SLA: variants seen among roughly 807,000 people sequenced by gnomAD.
SLA encodes the protein src-like-adapter.
In SLA, 16 loss-of-function variants were observed where a neutral mutation model predicts 30.3. The observed-to-expected ratio is 0.53, with a 90% CI of 0.36 to 0.80. The LOEUF is 0.80. Among genes scored for constraint, SLA ranks in the 30% least tolerant of loss-of-function variants. The pLI is 0.01. For synonymous variants in SLA, 143 were observed against 137.8 expected (o/e 1.04, Z -0.26); for missense variants, 310 against 345.2 (o/e 0.90, Z 0.81).
Position 133,038,700 on chromosome 8 carries a change from C to G in SLA, c.655G>C (p.Gly219Arg). The change falls in exon 9 of 9, where the codon GGG (glycine) becomes CGG (arginine). Residue 219 changes from glycine (G) to arginine (R), a missense_variant. Coordinates refer to ENST00000338087, the MANE Select transcript of SLA (RefSeq NM_001045556.3). ...EDPEGTENPL[G>R]VDESLFSYGL... ...TAGCTGAAAAGGGACTCGTCTACCC[C>G]AAGCGGGTTCTCTGTTCCCTCGGGG... 6.2e-7 allele frequency: 1 copy of G among 1,614,090 alleles called. No individual in the cohort carries two copies. The highest frequency in any genetic ancestry group is 8.5e-7 in the Non-Finnish European group (1 of 1,180,006).
chr8:133,053,071 G>C (rs1326992039), intron 3 of SLA, among the ~76,000 whole-genome samples: 1 of 152,158 alleles, frequency 6.6e-6, no homozygotes, highest in Non-Finnish European at 1.5e-5. Context: ...GGTTCTCAGA[G>C]CCTCCGGATA....
In SLA at chr8:133,079,336, G is replaced by T. The variant is rs872642; in HGVS notation, c.-318-4206C>A. Among the ~76,000 whole-genome samples the T allele has an allele frequency of 8.1e-3, 1,227 of 152,316 alleles. 18 individuals carry two copies. Among genetic ancestry groups the T allele is most frequent in the South Asian group, 0.044 (211 of 4,828 alleles). Reference sequence around the variant, plus strand: ...ATGACCATAGGCAAATAATAACAATGCCAGCCATGCAAGGATTGAGAGTCA... The same window carrying T: ...ATGACCATAGGCAAATAATAACAATTCCAGCCATGCAAGGATTGAGAGTCA... On this transcript the variant is annotated intron_variant, in intron 1 of 8. Coordinates refer to ENST00000338087, the MANE Select transcript of SLA (RefSeq NM_001045556.3).
intron 1 of SLA, chr8:133,095,280 A>G: frequency 6.2e-7 from 1 of 1,608,508 alleles, no homozygotes; most frequent in Non-Finnish European, 8.5e-7. Flanking sequence ...AGACCTAGGA[A>G]GGAGGTGTCA....
At chr8:133,044,230 G>A (rs560300753) in intron 7 of SLA, among the ~76,000 whole-genome samples, 126 of 152,190 alleles carry the variant, frequency 8.3e-4, no homozygotes, top group Middle Eastern at 6.8e-3. Flanking sequence ...GTAAAGTTCC[G>A]ATTCCTGAGC....
At chr8:133,062,321 G>A (rs1158806306) in intron 2 of SLA, among the ~76,000 whole-genome samples, 3 of 152,228 alleles carry the variant, frequency 2.0e-5, no homozygotes, top group Non-Finnish European at 4.4e-5. Context: ...TGCAGTCCAG[G>A]AGGGCAGGGA....
intron 3 of SLA, chr8:133,058,954 TG>T (rs1841952274): frequency 4.2e-6 from 2 of 479,732 alleles, no homozygotes; most frequent in South Asian, 1.5e-5. Flanking sequence ...CATGCTGGCT[TG>T]GGGGCATTGG....
At chr8:133,071,649 G>A (rs1398151251) in intron 2 of SLA, among the ~76,000 whole-genome samples, 2 of 152,054 alleles carry the variant, frequency 1.3e-5, no homozygotes, top group Non-Finnish European at 2.9e-5. Context: ...GGAGAGGGGA[G>A]GAGTGGGGGG....
At chr8:133,096,094 A>G in intron 1 of SLA, 2 of 1,341,500 alleles carry the variant, frequency 1.5e-6, no homozygotes, top group Non-Finnish European at 2.1e-6. Context: ...TTTTCTCAGT[A>G]GAGTCATAGA....
chr8:133,093,851 A>G (rs1847974501), intron 1 of SLA, among the ~76,000 whole-genome samples: 1 of 152,182 alleles, frequency 6.6e-6, no homozygotes, highest in African/African-American at 2.4e-5. Flanking sequence ...GTTACATGGG[A>G]CAGTAAGAGC....
intron 3 of SLA, among the ~76,000 whole-genome samples, chr8:133,051,701 C>T (rs974554909): frequency 6.6e-5 from 10 of 152,044 alleles, no homozygotes; most frequent in Non-Finnish European, 1.3e-4. Context: ...TGACACTGAG[C>T]GATACGTCTG....
At chr8:133,064,935 A>C (rs1259561753) in intron 2 of SLA, among the ~76,000 whole-genome samples, 1 of 152,178 alleles carries the variant, frequency 6.6e-6, no homozygotes, top group African/African-American at 2.4e-5. Flanking sequence ...AGGAAGTCCA[A>C]CCAAGGGAAG....
At chr8:133,067,031 G>A (rs928402244) in intron 2 of SLA, among the ~76,000 whole-genome samples, 4 of 152,256 alleles carry the variant, frequency 2.6e-5, no homozygotes, top group South Asian at 2.1e-4. Context: ...ACCCAGTACC[G>A]GCACAATTGA....
chr8:133,064,224 C>G (rs147469607), intron 2 of SLA: 1 of 152,176 alleles, frequency 6.6e-6, no homozygotes, highest in Admixed American at 6.5e-5. Context: ...AAAGAGCGAG[C>G]CTGATAACCC....
intron 1 of SLA, among the ~76,000 whole-genome samples, chr8:133,094,179 A>G (rs1423541700): frequency 6.6e-6 from 1 of 151,872 alleles, no homozygotes; most frequent in Non-Finnish European, 1.5e-5. Context: ...CCGGGCAGAG[A>G]TGAACTTCCT....
At chr8:133,068,068 T>C (rs2739145) in intron 2 of SLA, among the ~76,000 whole-genome samples, 92,671 of 151,696 alleles carry the variant, frequency 0.61, 28,798 homozygotes, top group East Asian at 0.79. Flanking sequence ...CTACTCTTGA[T>C]AGGATACCTC....
At chr8:133,071,249 C>T (rs557697614) in intron 2 of SLA, among the ~76,000 whole-genome samples, 6 of 152,348 alleles carry the variant, frequency 3.9e-5, no homozygotes, top group East Asian at 1.9e-4. Context: ...TGCATCATTA[C>T]GCTGAGGCCT....
intron 6 of SLA, chr8:133,047,567 G>A (rs1188414516): frequency 2.0e-6 from 1 of 502,020 alleles, no homozygotes; most frequent in Non-Finnish European, 3.6e-6. Context: ...CTCAGTTGCT[G>A]GAAAAATTTC....
chr8:133,045,250 C>T (rs1277201195), intron 6 of SLA, 135 bp from the exon 7 acceptor site: 6 of 791,830 alleles, frequency 7.6e-6, no homozygotes, highest in Non-Finnish European at 1.0e-5. Flanking sequence ...GGATGCAGCC[C>T]CTCCCTCCAC....
chr8:133,073,342 T>G (rs1026767241), intron 2 of SLA: 4 of 152,240 alleles, frequency 2.6e-5, no homozygotes, highest in African/African-American at 9.7e-5. Flanking sequence ...TATTAAGCAC[T>G]CTTAAATAGA....
Sources: gnomAD v4.1 joint callset for allele counts (sites outside exome capture counted in the v4.1 genomes callset) on GRCh38, gnomAD v4.1.1 for gene constraint, MANE v1.5 for transcripts, NCBI Gene and HGNC (gene_info 2026-07-23, HGNC 2026-07-21) for gene names.